The following PPTC7 variants were observed in gnomAD, a reference collection of about 807,000 sequenced individuals.
PPTC7 encodes protein phosphatase targeting COQ7, also known as protein phosphatase PTC7 homolog.
Under a neutral mutation model 30.8 loss-of-function variants are expected in PPTC7, and 6 were observed. The ratio of observed to expected loss-of-function variants is 0.19; its 90% CI spans 0.11 to 0.38. The LOEUF is 0.38. Among genes scored for constraint, PPTC7 ranks in the 10% least tolerant of loss-of-function variants. PPTC7 has a pLI of 1.00. For missense variants in PPTC7, 218 were observed against 404.8 expected (o/e 0.54, Z 3.96); for synonymous variants, 163 against 168.1 (o/e 0.97, Z 0.23).
chr12:110,568,995 C>T (rs139684557), intron 1 of PPTC7, among the ~76,000 whole-genome samples: 80 of 152,148 alleles, frequency 5.3e-4, no homozygotes, highest in African/African-American at 1.8e-3. Context: ...ATAGCTACTG[C>T]ACTCCAGCCT....
chr12:110,538,394 C>T (rs1393636209), intron 4 of PPTC7, 121 bp from the exon 5 acceptor site: 15 of 926,578 alleles, frequency 1.6e-5, no homozygotes, highest in Admixed American at 7.0e-5. Context: ...ACATCATGCC[C>T]TGGCTAATAT....
chr12:110,552,845 TG>T (rs2064359017), intron 1 of PPTC7, among the ~76,000 whole-genome samples: 1 of 151,506 alleles, frequency 6.6e-6, no homozygotes, highest in African/African-American at 2.4e-5. Flanking sequence ...GCCTGGGCAA[TG>T]GGGCGAGACT....
intron 1 of PPTC7, among the ~76,000 whole-genome samples, chr12:110,570,744 T>C (rs1307646228): frequency 1.4e-5 from 2 of 142,672 alleles, no homozygotes; most frequent in African/African-American, 5.3e-5. Flanking sequence ...AGACCTTTGT[T>C]CACGTGTTTG....
intron 1 of PPTC7, among the ~76,000 whole-genome samples, chr12:110,576,277 TTATATG>T (rs1164082295): frequency 6.6e-6 from 1 of 151,762 alleles, no homozygotes; most frequent in Non-Finnish European, 1.5e-5. Flanking sequence ...TATAAAATAA[TTATATG>T]TATATTAATA....
intron 1 of PPTC7, among the ~76,000 whole-genome samples, chr12:110,564,142 T>C (rs2064461057): frequency 6.6e-6 from 1 of 152,244 alleles, no homozygotes; most frequent in African/African-American, 2.4e-5. Flanking sequence ...ACTTCACTCC[T>C]TTCTGGCCTG....
At chr12:110,565,231 CTTT>C (rs1231763957) in intron 1 of PPTC7, among the ~76,000 whole-genome samples, 1 of 150,964 alleles carries the variant, frequency 6.6e-6, no homozygotes, top group South Asian at 2.1e-4. Context: ...ACAATGAGTA[CTTT>C]TTTTTTCTTT....
chr12:110,545,820 G>A (rs1411789148), intron 3 of PPTC7, 60 bp downstream of exon 3: 3 of 1,482,268 alleles, frequency 2.0e-6, no homozygotes, highest in Non-Finnish European at 9.4e-7. Flanking sequence ...AAGGGGGACA[G>A]GAGGGGACTA....
chr12:110,571,410 T>C (rs918139804), intron 1 of PPTC7, among the ~76,000 whole-genome samples: 1 of 151,794 alleles, frequency 6.6e-6, no homozygotes, highest in Admixed American at 6.6e-5. Flanking sequence ...TGGGCCATTA[T>C]TAAAGCAGCT....
chr12:110,535,236 T>C lies in PPTC7; in HGVS notation c.*1801A>G, dbSNP rs2064210429. On this transcript the variant is annotated 3_prime_UTR_variant, in exon 6 of 6. Transcript: ENST00000354300. ...CCGCGTCTACCAAAGAATTCTGTTT[T>C]GTCAAGTTAGGGTAGTTAAGGCATT... 6.6e-6 allele frequency: 1 copy of C among 152,432 alleles called. No individual in the cohort carries two copies. The highest frequency in any genetic ancestry group is 2.4e-5 in the African/African-American group (1 of 41,360). 9.4% of individuals were successfully genotyped at this position (152,432 alleles called of 1,614,324 possible). A position where few individuals can be genotyped will look rare whatever the true frequency, so the allele number is the denominator to read the frequency against.
At chr12:110,580,521 G>A (rs1405378022) in intron 1 of PPTC7, among the ~76,000 whole-genome samples, 2 of 151,706 alleles carry the variant, frequency 1.3e-5, no homozygotes, top group South Asian at 2.1e-4. Context: ...GTATTTTTTA[G>A]TAGAGACGGG....
At chr12:110,557,214 T>C (rs1309924104) in intron 1 of PPTC7, among the ~76,000 whole-genome samples, 1 of 152,184 alleles carries the variant, frequency 6.6e-6, no homozygotes, top group Non-Finnish European at 1.5e-5. Flanking sequence ...CTATGAAGTG[T>C]AAAATACATT....
At chr12:110,559,370 T>C (rs746270393) in intron 1 of PPTC7, among the ~76,000 whole-genome samples, 5 of 151,956 alleles carry the variant, frequency 3.3e-5, no homozygotes, top group Non-Finnish European at 7.4e-5. Flanking sequence ...AAAGAGTAAT[T>C]CTGGGTGTCT....
rs1218179040 is a variant in PPTC7 at position 110,582,826 on chromosome 12, C to T, written c.206G>A (p.Arg69His). 1 of 1,562,654 alleles carries T rather than the reference C, an allele frequency of 6.4e-7. No homozygotes were observed. The highest frequency in any genetic ancestry group is 2.4e-5 in the East Asian group (1 of 42,054). Residue 69 changes from arginine (R) to histidine (H), a missense_variant, in exon 1 of 6, where the codon CGT becomes CAT. Arg to His is a conservative substitution (Grantham distance 29). Transcript: ENST00000354300. The stretch of plus-strand genomic sequence containing the variant: ...GGACTCACCGAGCACGTCCGCGGAA[C>T]GGTGCCGGGCCACGAAGCACGCGTC... ...GDDACFVARH[R>H]SADVLGVADG...
In PPTC7 at chr12:110,533,872, C is replaced by T. The variant is rs2064194844; in HGVS notation, c.*3165G>A. ...GTGGTTTCCATCTCCGGGCTACTGT[C>T]CTATCCAGAACACACGCAGCTGATA... is the stretch of plus-strand genomic sequence containing the variant. On this transcript the variant is annotated 3_prime_UTR_variant, in exon 6 of 6. Transcript: ENST00000354300. The T allele has an allele frequency of 6.6e-6, 1 of 152,154 alleles. No individual in the cohort carries two copies. The highest frequency in any genetic ancestry group is 1.5e-5 in the Non-Finnish European group (1 of 68,036). 9.4% of individuals were successfully genotyped at this position (152,154 alleles called of 1,614,324 possible). A position where few individuals can be genotyped will look rare whatever the true frequency, so the allele number is the denominator to read the frequency against.
intron 1 of PPTC7, among the ~76,000 whole-genome samples, chr12:110,568,855 T>C (rs1270031449): frequency 6.6e-6 from 1 of 152,142 alleles, no homozygotes; most frequent in African/African-American, 2.4e-5. Context: ...AACAGGCCAT[T>C]CAAAGAGAAG....
intron 1 of PPTC7, among the ~76,000 whole-genome samples, chr12:110,573,557 T>C (rs1428478945): frequency 6.6e-6 from 1 of 152,224 alleles, no homozygotes; most frequent in African/African-American, 2.4e-5. Flanking sequence ...TATACAATTA[T>C]ATACACAAAG....
chr12:110,581,895 G>C (rs1224507170), intron 1 of PPTC7, among the ~76,000 whole-genome samples: 1 of 152,196 alleles, frequency 6.6e-6, no homozygotes, highest in African/African-American at 2.4e-5. Context: ...ATTTCAAAGC[G>C]AGCGCATTGC....
intron 1 of PPTC7, among the ~76,000 whole-genome samples, chr12:110,568,852 C>T (rs1040566162): frequency 1.3e-5 from 2 of 152,162 alleles, no homozygotes; most frequent in Non-Finnish European, 2.9e-5. Flanking sequence ...TCTAACAGGC[C>T]ATTCAAAGAG....
At chr12:110,574,142 A>AAAAAAAAT (rs2064566715) in intron 1 of PPTC7, among the ~76,000 whole-genome samples, 1 of 17,258 alleles carries the variant, frequency 5.8e-5, no homozygotes. Flanking sequence ...CACAATAATT[A>AAAAAAAAT]AAAAAAAAAA....
Sources: allele counts gnomAD v4.1 joint callset (sites outside exome capture counted in the v4.1 genomes callset), GRCh38; gene constraint gnomAD v4.1.1; transcripts MANE v1.5; gene names NCBI Gene and HGNC (gene_info 2026-07-23, HGNC 2026-07-21).